CNPY4: variants seen among roughly 807,000 people sequenced by gnomAD.
CNPY4 encodes canopy FGF signaling regulator 4, also known as protein canopy homolog 4.
In CNPY4, 33 loss-of-function variants were observed where a neutral mutation model predicts 30.1. The ratio of observed to expected loss-of-function variants is 1.10; its 90% CI spans 0.83 to 1.46. The LOEUF is 1.46. CNPY4 is among the 40% of genes most tolerant of loss of function. The pLI is 0.00. For missense variants in CNPY4, 324 were observed against 302.6 expected (o/e 1.07, Z -0.52); for synonymous variants, 109 against 110.1 (o/e 0.99, Z 0.06).
intron 1 of CNPY4, chr7:100,121,990 C>A: frequency 6.0e-6 from 2 of 333,344 alleles, no homozygotes; most frequent in South Asian, 5.4e-5. Context: ...GCGGAGCTGG[C>A]AGTGAGCCGA....
chr7:100,124,387 G>A (rs1798157586), intron 4 of CNPY4, 127 bp from the exon 5 acceptor site: 1 of 688,240 alleles, frequency 1.5e-6, no homozygotes, highest in African/African-American at 1.8e-5. Context: ...TGCACATCTA[G>A]TAGGCCAAAC....
Position 100,125,108 on chromosome 7 carries a change from C to T in CNPY4, c.*220C>T, listed in dbSNP as rs1481993037. On this transcript the variant is annotated 3_prime_UTR_variant, in exon 6 of 6. Coordinates refer to ENST00000262932, the MANE Select transcript of CNPY4 (RefSeq NM_152755.2). ...TGGAGGTCCTGCTCCTAGAGATGAA[C>T]TCTATCCAGCCCCTTAATTGGCAGG... The T allele has an allele frequency of 1.7e-5, 9 of 535,798 alleles. No homozygotes were observed. The East Asian group carries it at 2.7e-4, about 16-fold the overall frequency. The allele number at this position is 535,798 out of a possible 1,614,324, so 33.2% of individuals were successfully genotyped here. A position where few individuals can be genotyped will look rare whatever the true frequency, so the allele number is the denominator to read the frequency against.
chr7:100,123,203 G>A (rs1463670402), intron 4 of CNPY4, among the ~76,000 whole-genome samples: 3 of 152,036 alleles, frequency 2.0e-5, no homozygotes, highest in Non-Finnish European at 4.4e-5. Flanking sequence ...TTAGCTGGGC[G>A]TGGTGGTGCA....
chr7:100,124,173 T>C (rs1156863752), intron 4 of CNPY4, among the ~76,000 whole-genome samples: 1 of 151,440 alleles, frequency 6.6e-6, no homozygotes, highest in Non-Finnish European at 1.5e-5. Flanking sequence ...GCTAATGATA[T>C]CCACCATCAC....
chr7:100,122,999 C>T, intron 4 of CNPY4, 93 bp downstream of exon 4: 1 of 1,400,468 alleles, frequency 7.1e-7, no homozygotes, highest in Non-Finnish European at 9.6e-7. Flanking sequence ...ATGTCTACCC[C>T]TAAGCATGGG....
chr7:100,122,250 C>A lies in CNPY4; in HGVS notation c.119-9C>A. 1 of 1,612,384 alleles carries A rather than the reference C, an allele frequency of 6.2e-7. No individual in the cohort carries two copies. Among genetic ancestry groups the A allele is most frequent in the Admixed American group, 1.7e-5 (1 of 59,926 alleles). On this transcript the variant is annotated splice_polypyrimidine_tract_variant and intron_variant, in intron 1 of 5. Coordinates refer to ENST00000262932, the MANE Select transcript of CNPY4 (RefSeq NM_152755.2). ...TTACCTCCCCCCGGACGTTTCTCCT[C>A]CCCACCAGTGTGTAAGCTGCTGAGC...
Position 100,121,948 on chromosome 7 carries a change from A to G in CNPY4, c.119-311A>G, listed in dbSNP as rs577386058. The G allele has an allele frequency of 8.3e-5, 22 of 263,722 alleles. No individual in the cohort carries two copies. In the East Asian group the frequency reaches 1.8e-3, roughly 21 times the overall value. 16.3% of individuals were successfully genotyped at this position (263,722 alleles called of 1,614,324 possible). On this transcript the variant is annotated intron_variant, in intron 1 of 5. Coordinates refer to ENST00000262932, the MANE Select transcript of CNPY4 (RefSeq NM_152755.2). The stretch of plus-strand genomic sequence containing the variant: ...GCCTGTAGTCCCAGCTACTCGGGAG[A>G]CTGAGGCAGGAGAATGGCGTGAACC...
chr7:100,119,798 G>C lies in CNPY4; in HGVS notation c.54G>C (p.Glu18Asp). Reference sequence around the variant, plus strand: ...TTTTCCTTTTTTTGGCCGTGCACGAGGCTTGGGCTGGGATGTTGAAGGAGG... The same window carrying C: ...TTTTCCTTTTTTTGGCCGTGCACGACGCTTGGGCTGGGATGTTGAAGGAGG... ...ILLFLFLAVH[E>D]AWAGMLKEED... The change falls in exon 1 of 6, where the codon GAG (glutamate) becomes GAC (aspartate). Residue 18 changes from glutamate (E) to aspartate (D), a missense_variant. Coordinates refer to ENST00000262932, the MANE Select transcript of CNPY4 (RefSeq NM_152755.2). The C allele has an allele frequency of 6.2e-7, 1 of 1,614,170 alleles. No homozygotes were observed. Among genetic ancestry groups the C allele is most frequent in the South Asian group, 1.1e-5 (1 of 91,086 alleles).
At chr7:100,121,112 ATATATTTTTTTTTTTTTTTTTTT>A (rs1302080069) in intron 1 of CNPY4, 1 of 30,718 alleles carries the variant, frequency 3.3e-5, no homozygotes, top group Non-Finnish European at 5.8e-5. Context: ...ATATATATAT[ATATATTTTTTTTTTTTTTTTTTT>A]TTTTTTTTTT....
chr7:100,120,037 C>T (rs1469635545), intron 1 of CNPY4, 175 bp downstream of exon 1: 1 of 528,786 alleles, frequency 1.9e-6, no homozygotes, highest in African/African-American at 2.0e-5. Flanking sequence ...GTAGTGCCAC[C>T]TCAAACTGCA....
rs1024896796 is a variant in CNPY4, at chr7:100,125,135, G to T, written c.*247G>T. 6 of 482,940 alleles carry T rather than the reference G, an allele frequency of 1.2e-5. No individual in the cohort carries two copies. Among genetic ancestry groups the T allele is most frequent in the African/African-American group, 1.2e-4 (6 of 51,536 alleles). 29.9% of individuals were successfully genotyped at this position (482,940 alleles called of 1,614,324 possible). ...CTATCCAGCCCCTTAATTGGCAGGT[G>T]TATGTGCTGACAGTACTGAAAGCTT... On this transcript the variant is annotated 3_prime_UTR_variant, in exon 6 of 6. Transcript: ENST00000262932.
In CNPY4 at chr7:100,121,853, A is replaced by G. The variant is rs548210740; in HGVS notation, c.119-406A>G. 1.1e-3 allele frequency among the ~76,000 whole-genome samples: 162 copies of G among 151,186 alleles called. 2 individuals carry two copies. The South Asian group carries it at 0.03, about 28-fold the overall frequency. ...ATCACAAGGTCAGCTGATCGAGACC[A>G]TCCTGGCTAACACGGTGAAACCCTG... On this transcript the variant is annotated intron_variant, in intron 1 of 5. Coordinates refer to ENST00000262932, the MANE Select transcript of CNPY4 (RefSeq NM_152755.2).
intron 3 of CNPY4, 86 bp downstream of exon 3, chr7:100,122,663 C>A: frequency 6.7e-7 from 1 of 1,503,616 alleles, no homozygotes. Flanking sequence ...ATCTGCCCAT[C>A]ATCTCACCAT....
intron 3 of CNPY4, 61 bp from the exon 4 acceptor site, chr7:100,122,721 CAG>C: frequency 6.4e-7 from 1 of 1,566,122 alleles, no homozygotes; most frequent in Non-Finnish European, 8.7e-7. Flanking sequence ...ACTGAAATGG[CAG>C]AAAGGGGAAG....
Position 100,122,471 on chromosome 7 carries a change from C to G in CNPY4, c.246-10C>G. On this transcript the variant is annotated splice_polypyrimidine_tract_variant and intron_variant, in intron 2 of 5. Coordinates refer to ENST00000262932, the MANE Select transcript of CNPY4 (RefSeq NM_152755.2). ...CATCCAGGGAATCTTTGTTTCCTCT[C>G]TTTCCACAGAGAGACAAGGCTGGAA... The G allele has an allele frequency of 6.2e-7, 1 of 1,614,094 alleles. No individual in the cohort carries two copies. The highest frequency in any genetic ancestry group is 8.5e-7 in the Non-Finnish European group (1 of 1,180,000).
intron 4 of CNPY4, among the ~76,000 whole-genome samples, chr7:100,124,149 A>G (rs1044291236): frequency 3.3e-5 from 5 of 151,828 alleles, no homozygotes; most frequent in African/African-American, 4.8e-5. Flanking sequence ...AAAAAAAAAA[A>G]AGTAACAATG....
chr7:100,123,929 G>A (rs921535557), intron 4 of CNPY4, among the ~76,000 whole-genome samples: 2 of 152,142 alleles, frequency 1.3e-5, no homozygotes, highest in Non-Finnish European at 2.9e-5. Context: ...AGGGGTTCAA[G>A]ACCAGCCGGG....
At position 100,122,818 on chromosome 7, in the gene CNPY4, T is replaced by C; in HGVS notation, c.377T>C (p.Leu126Pro). The C allele has an allele frequency of 6.2e-7, 1 of 1,613,942 alleles. No individual in the cohort carries two copies. The highest frequency in any genetic ancestry group is 2.2e-5 in the East Asian group (1 of 44,886). The change falls in exon 4 of 6, where the codon CTA becomes CCA. Residue 126 changes from leucine (L) to proline (P), a missense_variant. Transcript: ENST00000262932. ...QSQTMATLKGLVQKGVKVDLG... is the reference protein window; with the variant it reads ...QSQTMATLKGPVQKGVKVDLG... ...CAGACCATGGCAACACTGAAAGGCC[T>C]AGTGCAGAAGGGGGTGAAGGTGGAT...
chr7:100,121,108 A>ATT (rs1562938218), intron 1 of CNPY4: 8 of 17,892 alleles, frequency 4.5e-4, no homozygotes, highest in East Asian at 2.3e-3. Context: ...ATATATATAT[A>ATT]TATATATATT....
Sources: gnomAD v4.1 joint callset for allele counts (sites outside exome capture counted in the v4.1 genomes callset) on GRCh38, gnomAD v4.1.1 for gene constraint, MANE v1.5 for transcripts, NCBI Gene and HGNC (gene_info 2026-07-23, HGNC 2026-07-21) for gene names.